BNC2: variants seen among roughly 807,000 people sequenced by gnomAD.
The protein encoded by BNC2 is zinc finger protein basonuclin-2.
A neutral mutation model predicts 76.3 loss-of-function variants in BNC2; 20 were observed. That is an observed-to-expected ratio of 0.26 (90% CI 0.18 to 0.38). The LOEUF (loss-of-function observed/expected upper bound fraction) is 0.38. BNC2 is among the 10% of genes least tolerant of loss of function. The pLI is 1.00. For missense variants in BNC2, 1,382 were observed against 1,399.8 expected (o/e 0.99, Z 0.20); for synonymous variants, 582 against 514.8 (o/e 1.13, Z -1.77).
chr9:16,656,422 T>C (rs1418604760), intron 3 of BNC2, among the ~76,000 whole-genome samples: 1 of 152,096 alleles, frequency 6.6e-6, no homozygotes, highest in Admixed American at 6.5e-5. Context: ...GAATTCACAG[T>C]ACCAGTAGGA....
At chr9:16,648,143 C>G (rs909851083) in intron 3 of BNC2, among the ~76,000 whole-genome samples, 1 of 152,024 alleles carries the variant, frequency 6.6e-6, no homozygotes, top group African/African-American at 2.4e-5. Context: ...CATGGGCAAA[C>G]ATAAAAATTA....
chr9:16,558,139 T>C (rs369962159), intron 4 of BNC2, among the ~76,000 whole-genome samples: 42 of 152,270 alleles, frequency 2.8e-4, no homozygotes, highest in East Asian at 2.7e-3. Flanking sequence ...TGAGCCACCA[T>C]ACTCAGACAA....
intron 1 of BNC2, among the ~76,000 whole-genome samples, chr9:16,844,415 C>G (rs962361509): frequency 6.0e-5 from 9 of 149,608 alleles, no homozygotes; most frequent in Non-Finnish European, 1.3e-4. Context: ...ATCAACATTC[C>G]TTTAAAAAAA....
intron 3 of BNC2, among the ~76,000 whole-genome samples, chr9:16,684,753 A>G (rs1458675622): frequency 6.6e-6 from 1 of 152,040 alleles, no homozygotes. Context: ...TGGCACACAC[A>G]TTCCTTAAAT....
At chr9:16,659,296 G>T (rs949670867) in intron 3 of BNC2, among the ~76,000 whole-genome samples, 1 of 152,160 alleles carries the variant, frequency 6.6e-6, no homozygotes, top group African/African-American at 2.4e-5. Context: ...CCTGTTCACT[G>T]GCAACCACGC....
chr9:16,764,896 A>AGAAGGAGG (rs1413743579), intron 1 of BNC2, among the ~76,000 whole-genome samples: 1 of 151,944 alleles, frequency 6.6e-6, no homozygotes, highest in African/African-American at 2.4e-5. Context: ...AGGGAGGGAA[A>AGAAGGAGG]GAAGGAGGGA....
intron 1 of BNC2, among the ~76,000 whole-genome samples, chr9:16,807,150 A>C (rs1281761479): frequency 6.6e-6 from 1 of 152,230 alleles, no homozygotes; most frequent in African/African-American, 2.4e-5. Context: ...AAGTTTTAGT[A>C]TCCTTCTTGT....
intron 1 of BNC2, among the ~76,000 whole-genome samples, chr9:16,807,085 A>T (rs1237072603): frequency 6.6e-6 from 1 of 152,202 alleles, no homozygotes; most frequent in Non-Finnish European, 1.5e-5. Flanking sequence ...ATTATCTATG[A>T]CTAACAATTT....
At chr9:16,704,537 G>C (rs1823603768) in intron 3 of BNC2, among the ~76,000 whole-genome samples, 1 of 147,558 alleles carries the variant, frequency 6.8e-6, no homozygotes, top group African/African-American at 2.5e-5. Context: ...AATTAGCATG[G>C]TTGGATTTAG....
chr9:16,454,166 A>G (rs1164654389), intron 5 of BNC2, among the ~76,000 whole-genome samples: 1 of 151,938 alleles, frequency 6.6e-6, no homozygotes, highest in East Asian at 1.9e-4. Context: ...ATTCTATTTT[A>G]TATCTATGTG....
chr9:16,833,229 T>A (rs1203097777), intron 1 of BNC2, among the ~76,000 whole-genome samples: 1 of 152,178 alleles, frequency 6.6e-6, no homozygotes, highest in Non-Finnish European at 1.5e-5. Context: ...AGACGATGAA[T>A]AAGATCTTCT....
intron 3 of BNC2, among the ~76,000 whole-genome samples, chr9:16,711,266 A>G (rs1823838468): frequency 1.3e-5 from 2 of 152,042 alleles, no homozygotes; most frequent in Admixed American, 6.6e-5. Context: ...TTAATTGTGG[A>G]GGTGGGGAAG....
At chr9:16,424,971 G>C (rs1820776686) in intron 6 of BNC2, among the ~76,000 whole-genome samples, 1 of 152,098 alleles carries the variant, frequency 6.6e-6, no homozygotes. Flanking sequence ...TTGTTCTACA[G>C]GTTATTATTT....
chr9:16,498,096 T>C (rs36040975), intron 5 of BNC2, among the ~76,000 whole-genome samples: 22,060 of 143,884 alleles, frequency 0.15, 2,232 homozygotes, highest in East Asian at 0.27. Flanking sequence ...TATTCCATCA[T>C]ATATATATTC....
chr9:16,533,275 G>T (rs186345178), intron 5 of BNC2, among the ~76,000 whole-genome samples: 1 of 152,162 alleles, frequency 6.6e-6, no homozygotes, highest in African/African-American at 2.4e-5. Flanking sequence ...CACCCTGCAT[G>T]CCTCTGGAAA....
intron 1 of BNC2, among the ~76,000 whole-genome samples, chr9:16,744,900 A>C (rs2135206157): frequency 6.6e-6 from 1 of 152,326 alleles, no homozygotes; most frequent in South Asian, 2.1e-4. Flanking sequence ...AATAGTAAAC[A>C]ATTTCTCTTC....
intron 5 of BNC2, among the ~76,000 whole-genome samples, chr9:16,450,387 G>A (rs897912980): frequency 2.0e-5 from 3 of 152,186 alleles, no homozygotes; most frequent in African/African-American, 7.2e-5. Context: ...GTAAATAAAT[G>A]TTTGTGTGAG....
At chr9:16,716,747 T>C (rs1162380295) in intron 3 of BNC2, among the ~76,000 whole-genome samples, 1 of 152,216 alleles carries the variant, frequency 6.6e-6, no homozygotes, top group Non-Finnish European at 1.5e-5. Flanking sequence ...TACTATAGTG[T>C]TTTTACATTA....
At chr9:16,648,502 C>G (rs1464430889) in intron 3 of BNC2, among the ~76,000 whole-genome samples, 1 of 152,216 alleles carries the variant, frequency 6.6e-6, no homozygotes, top group Admixed American at 6.5e-5. Context: ...ACATGGAATT[C>G]CTTTGGCTTC....
Sources: gnomAD v4.1 joint callset for allele counts (sites outside exome capture counted in the v4.1 genomes callset) on GRCh38, gnomAD v4.1.1 for gene constraint, MANE v1.5 for transcripts, NCBI Gene and HGNC (gene_info 2026-07-23, HGNC 2026-07-21) for gene names.